The following ERN1 variants were observed in gnomAD, a reference collection of about 807,000 sequenced individuals.
The protein encoded by ERN1 is serine/threonine-protein kinase/endoribonuclease IRE1.
In ERN1, 39 loss-of-function variants were observed where a neutral mutation model predicts 113.1. That is an observed-to-expected ratio of 0.34 (90% CI 0.27 to 0.45). The LOEUF (loss-of-function observed/expected upper bound fraction) is 0.45. Among genes scored for constraint, ERN1 ranks in the 20% least tolerant of loss-of-function variants. ERN1 has a pLI of 1.00. For missense variants in ERN1, 976 were observed against 1,274.8 expected (o/e 0.77, Z 3.57); for synonymous variants, 507 against 515.9 (o/e 0.98, Z 0.23).
chr17:64,097,532 A>T (rs1914262769), intron 2 of ERN1, among the ~76,000 whole-genome samples: 1 of 152,210 alleles, frequency 6.6e-6, no homozygotes, highest in Non-Finnish European at 1.5e-5. Context: ...TGGAAATCAA[A>T]TACAATTTCC....
chr17:64,053,635 T>C (rs145940718), intron 15 of ERN1, among the ~76,000 whole-genome samples: 9 of 152,264 alleles, frequency 5.9e-5, no homozygotes, highest in Non-Finnish European at 1.0e-4. Context: ...GGTTTCAAAG[T>C]GAGCCTGGAA....
Position 64,049,303 on chromosome 17 carries a change from A to G in ERN1, c.2254-101T>C. ...ATTGCTGCTGCTTCTGCCACCTAGA[A>G]GGTGTCCTGGGAGAATCAGCTGACA... On this transcript the variant is annotated intron_variant, in intron 17 of 21. Transcript: ENST00000433197. This position sits in a 1 kb window ranked among gnomAD's most constrained non-coding sequence, Gnocchi z 4.7. The G allele has an allele frequency of 7.9e-7, 1 of 1,268,214 alleles. No individual in the cohort carries two copies. Among genetic ancestry groups the G allele is most frequent in the Non-Finnish European group, 1.1e-6 (1 of 934,996 alleles). The allele number at this position is 1,268,214 out of a possible 1,614,324, so 78.6% of individuals were successfully genotyped here. A position where few individuals can be genotyped will look rare whatever the true frequency, so the allele number is the denominator to read the frequency against.
In ERN1 at chr17:64,118,908, T is replaced by A. The variant is rs539469870; in HGVS notation, c.54+11068A>T. The stretch of plus-strand genomic sequence containing the variant: ...CACCATTTGCTTCCAAAACATATGT[T>A]CCCACCCTGATAGGAAAGTTCCTGT... On this transcript the variant is annotated intron_variant, in intron 1 of 21. Transcript: ENST00000433197. Among the ~76,000 whole-genome samples, 23 of 152,270 alleles carry A rather than the reference T, an allele frequency of 1.5e-4. No homozygotes were observed. In the South Asian group the frequency reaches 4.6e-3, roughly 30 times the overall value.
chr17:64,068,228 T>G lies in ERN1; in HGVS notation c.542A>C (p.Asp181Ala). The change falls in exon 7 of 22, where the codon GAC becomes GCC. Residue 181 changes from aspartate (D) to alanine (A), a missense_variant. By Grantham distance (126) the Asp-to-Ala change is moderately radical. Transcript: ENST00000433197. ...RELRWNATYF[D>A]YAASLPEDDV... ...GTCCTCAGGCAGTGAGGCCGCATAG[T>G]CAAAGTAGGTGGCATTCCACCGGAG... 6.2e-7 allele frequency: 1 copy of G among 1,612,450 alleles called. No homozygotes were observed. The highest frequency in any genetic ancestry group is 8.5e-7 in the Non-Finnish European group (1 of 1,179,326).
intron 10 of ERN1, among the ~76,000 whole-genome samples, chr17:64,061,735 G>A (rs1414542149): frequency 6.6e-6 from 1 of 152,192 alleles, no homozygotes; most frequent in African/African-American, 2.4e-5. Context: ...CTTGCTGGTA[G>A]GGCCCAGGAA....
intron 5 of ERN1, among the ~76,000 whole-genome samples, chr17:64,074,534 T>C (rs1266994516): frequency 6.6e-6 from 1 of 152,220 alleles, no homozygotes; most frequent in Non-Finnish European, 1.5e-5. Flanking sequence ...ATAAAGCTCC[T>C]CGAGGCATGA....
intron 1 of ERN1, among the ~76,000 whole-genome samples, chr17:64,107,722 C>T (rs1914567734): frequency 6.6e-6 from 1 of 152,186 alleles, no homozygotes; most frequent in South Asian, 2.1e-4. Flanking sequence ...TCTATACAGC[C>T]ACCTGAACAG....
intron 13 of ERN1, 127 bp downstream of exon 13, chr17:64,055,548 G>A (rs1912832600): frequency 1.1e-6 from 1 of 889,950 alleles, no homozygotes; most frequent in Non-Finnish European, 1.6e-6. Context: ...CCCCCAGAGT[G>A]GAAGTTAGAG....
Position 64,044,462 on chromosome 17 carries a change from A to T in ERN1, c.2722-262T>A, listed in dbSNP as rs1369066500. ...GCCTTCTGTGACAGTCAGGACCTGGAGACACTCCTGGCCACCTCAGGAGGA... is the reference window on the plus strand; with the variant it reads ...GCCTTCTGTGACAGTCAGGACCTGGTGACACTCCTGGCCACCTCAGGAGGA... On this transcript the variant is annotated intron_variant, in intron 21 of 21. Transcript: ENST00000433197. The surrounding 1 kb of genome is among the most constrained non-coding windows in gnomAD (Gnocchi z 4.1). Among the ~76,000 whole-genome samples, 2 of 152,212 alleles carry T rather than the reference A, an allele frequency of 1.3e-5. No individual in the cohort carries two copies. Among genetic ancestry groups the T allele is most frequent in the Admixed American group, 6.5e-5 (1 of 15,286 alleles).
At chr17:64,118,143 A>T (rs901490621) in intron 1 of ERN1, among the ~76,000 whole-genome samples, 28 of 152,250 alleles carry the variant, frequency 1.8e-4, no homozygotes, top group African/African-American at 6.7e-4. Context: ...CTAAATGGTG[A>T]TCCTAATTTG....
At chr17:64,057,719 T>C in intron 12 of ERN1, 83 bp downstream of exon 12, 1 of 1,303,258 alleles carries the variant, frequency 7.7e-7, no homozygotes, top group Non-Finnish European at 1.1e-6. Flanking sequence ...TGGTTGTTTT[T>C]GTCTGGATCT....
rs940432902 is a variant in ERN1, at chr17:64,049,498, C to T, written c.2254-296G>A. ...TTGTCAAAAGAGATGCATTAATATG[C>T]AAAAATGGTTGCTTACGACAGTGCT... On this transcript the variant is annotated intron_variant, in intron 17 of 21. Coordinates refer to ENST00000433197, the MANE Select transcript of ERN1 (RefSeq NM_001433.5). The surrounding 1 kb of genome is among the most constrained non-coding windows in gnomAD (Gnocchi z 4.7). Among the ~76,000 whole-genome samples the T allele has an allele frequency of 6.6e-6, 1 of 152,130 alleles. No individual in the cohort carries two copies.
chr17:64,057,155 T>C (rs1315538227), intron 12 of ERN1, among the ~76,000 whole-genome samples: 1 of 152,230 alleles, frequency 6.6e-6, no homozygotes, highest in Non-Finnish European at 1.5e-5. Flanking sequence ...GAAGTTCTAA[T>C]GGCAGTTTTT....
intron 1 of ERN1, among the ~76,000 whole-genome samples, chr17:64,102,209 C>G (rs1285426327): frequency 6.6e-6 from 1 of 152,124 alleles, no homozygotes; most frequent in Admixed American, 6.6e-5. Flanking sequence ...TTGCTTGAAC[C>G]CGGGAGGCAG....
In ERN1 at chr17:64,040,768, G is replaced by A. The variant is rs1447121041; in HGVS notation, c.*3220C>T. On this transcript the variant is annotated 3_prime_UTR_variant, in exon 22 of 22. Coordinates refer to ENST00000433197, the MANE Select transcript of ERN1 (RefSeq NM_001433.5). The stretch of plus-strand genomic sequence containing the variant: ...CCCAGGATTTCACACTTAGCCACTA[G>A]ATTGCTTCACAGCTAATCAGGGAAA... 6.6e-6 allele frequency: 1 copy of A among 152,212 alleles called. No homozygotes were observed. Among genetic ancestry groups the A allele is most frequent in the South Asian group, 2.1e-4 (1 of 4,832 alleles). The allele number at this position is 152,212 out of a possible 1,614,324, so 9.4% of individuals were successfully genotyped here.
At chr17:64,052,538 A>T (rs139325063) in intron 17 of ERN1, among the ~76,000 whole-genome samples, 1 of 1,094 alleles carries the variant, frequency 9.1e-4, no homozygotes, top group South Asian at 0.5. Context: ...CCAACCAAAC[A>T]AAAAAAAAAA....
rs912605542 is a variant in ERN1 at position 64,041,908 on chromosome 17, G to A, written c.*2080C>T. ...GAAACTAGTATGATAAGCAGAAAAG[G>A]CATCGGAAACAGTTGTCTCTAGGCA... On this transcript the variant is annotated 3_prime_UTR_variant, in exon 22 of 22. Transcript: ENST00000433197. 6 of 152,216 alleles carry A rather than the reference G, an allele frequency of 3.9e-5. No homozygotes were observed. The highest frequency in any genetic ancestry group is 1.4e-4 in the African/African-American group (6 of 41,456). The allele number at this position is 152,216 out of a possible 1,614,324, so 9.4% of individuals were successfully genotyped here. A position where few individuals can be genotyped will look rare whatever the true frequency, so the allele number is the denominator to read the frequency against.
At chr17:64,109,999 T>C (rs1914631643) in intron 1 of ERN1, among the ~76,000 whole-genome samples, 2 of 152,196 alleles carry the variant, frequency 1.3e-5, no homozygotes. Context: ...AGAGTCTCTA[T>C]AGAAACCCAA....
chr17:64,070,439 G>A (rs1358921121), intron 6 of ERN1, among the ~76,000 whole-genome samples: 1 of 152,144 alleles, frequency 6.6e-6, no homozygotes, highest in African/African-American at 2.4e-5. Flanking sequence ...TGAGAATGAC[G>A]CAATTTTTAT....
Sources: allele counts gnomAD v4.1 joint callset (sites outside exome capture counted in the v4.1 genomes callset), GRCh38; gene constraint gnomAD v4.1.1; non-coding constraint Gnocchi (gnomAD v3.1); transcripts MANE v1.5; gene names NCBI Gene and HGNC (gene_info 2026-07-23, HGNC 2026-07-21).